Variants in CNTNAP5 observed in about 807,000 individuals in gnomAD.
The protein encoded by CNTNAP5 is contactin associated protein family member 5, also known as contactin-associated protein-like 5.
A neutral mutation model predicts 150.2 loss-of-function variants in CNTNAP5; 72 were observed. The ratio of observed to expected loss-of-function variants is 0.48; its 90% CI spans 0.40 to 0.58. The LOEUF (loss-of-function observed/expected upper bound fraction) is 0.58, where lower values mean the gene tolerates loss of function less well. Ranked by LOEUF, CNTNAP5 falls within the 20% of genes least tolerant of loss-of-function variation. The pLI is 0.00. For synonymous variants in CNTNAP5, 672 were observed against 619.8 expected (o/e 1.08, Z -1.25); for missense variants, 1,636 against 1,626.2 (o/e 1.01, Z -0.10).
chr2:124,301,791 A>G (rs1426776982), intron 3 of CNTNAP5, among the ~76,000 whole-genome samples: 1 of 152,110 alleles, frequency 6.6e-6, no homozygotes, highest in Non-Finnish European at 1.5e-5. Flanking sequence ...TAAAAACTCC[A>G]CTTCAGATTA....
intron 13 of CNTNAP5, among the ~76,000 whole-genome samples, chr2:124,699,375 G>C (rs1472736067): frequency 6.6e-6 from 1 of 152,122 alleles, no homozygotes; most frequent in Non-Finnish European, 1.5e-5. Context: ...AGCAATACTG[G>C]AAAACTCCCC....
chr2:124,822,989 G>A (rs549773896), intron 19 of CNTNAP5, among the ~76,000 whole-genome samples: 2 of 152,258 alleles, frequency 1.3e-5, no homozygotes, highest in African/African-American at 4.8e-5. Context: ...AGGTGCATAA[G>A]GCATGTTTCT....
chr2:124,188,168 CA>C (rs1351031640), intron 1 of CNTNAP5, among the ~76,000 whole-genome samples: 1 of 152,146 alleles, frequency 6.6e-6, no homozygotes, highest in Non-Finnish European at 1.5e-5. Flanking sequence ...CCTTTCTTTC[CA>C]GGGTCATTGT....
At chr2:124,325,274 G>A (rs1053929353) in intron 3 of CNTNAP5, among the ~76,000 whole-genome samples, 4 of 152,096 alleles carry the variant, frequency 2.6e-5, no homozygotes, top group African/African-American at 7.2e-5. Flanking sequence ...TCTTAATCTC[G>A]GAGTTTCCAG....
At chr2:124,225,840 T>G (rs1006882226) in intron 2 of CNTNAP5, among the ~76,000 whole-genome samples, 4 of 152,172 alleles carry the variant, frequency 2.6e-5, no homozygotes, top group Non-Finnish European at 5.9e-5. Context: ...TTCAACATTT[T>G]TCAGATTCCT....
At chr2:124,737,842 T>A (rs563208974) in intron 13 of CNTNAP5, among the ~76,000 whole-genome samples, 2 of 152,278 alleles carry the variant, frequency 1.3e-5, no homozygotes, top group South Asian at 4.1e-4. Flanking sequence ...TCTATGCCTT[T>A]GTTTTCTCAT....
chr2:124,161,489 T>C (rs1358242743), intron 1 of CNTNAP5, among the ~76,000 whole-genome samples: 1 of 152,170 alleles, frequency 6.6e-6, no homozygotes, highest in Non-Finnish European at 1.5e-5. Context: ...TGACAGCTCC[T>C]AGAGGCTATT....
At chr2:124,516,254 A>G (rs1573429220) in intron 8 of CNTNAP5, among the ~76,000 whole-genome samples, 1 of 152,172 alleles carries the variant, frequency 6.6e-6, no homozygotes, top group South Asian at 2.1e-4. Context: ...ACATTTTCAG[A>G]CTTCCTTATT....
intron 3 of CNTNAP5, among the ~76,000 whole-genome samples, chr2:124,414,077 T>G (rs959342191): frequency 2.6e-5 from 4 of 151,536 alleles, no homozygotes; most frequent in African/African-American, 9.7e-5. Flanking sequence ...GGATATAGAA[T>G]GCTAGATTGA....
intron 3 of CNTNAP5, among the ~76,000 whole-genome samples, chr2:124,325,116 G>C (rs1465397796): frequency 6.6e-6 from 1 of 152,154 alleles, no homozygotes; most frequent in African/African-American, 2.4e-5. Context: ...TGGAAGGTGA[G>C]GGTGAAGCCT....
intron 1 of CNTNAP5, among the ~76,000 whole-genome samples, chr2:124,210,825 G>C (rs1394863671): frequency 6.6e-6 from 1 of 152,032 alleles, no homozygotes; most frequent in East Asian, 1.9e-4. Flanking sequence ...ACATGAGCTT[G>C]GGAGGCCCTA....
chr2:124,163,551 T>C (rs1257484349), intron 1 of CNTNAP5, among the ~76,000 whole-genome samples: 2 of 152,056 alleles, frequency 1.3e-5, no homozygotes, highest in Non-Finnish European at 2.9e-5. Context: ...TTACATGAAA[T>C]TGAACAACAA....
chr2:124,045,135 T>C (rs566017286), intron 1 of CNTNAP5, among the ~76,000 whole-genome samples: 26 of 152,258 alleles, frequency 1.7e-4, no homozygotes, highest in African/African-American at 5.8e-4. Flanking sequence ...ATGAATTCAC[T>C]GTTTTCCCAC....
At chr2:124,316,473 G>C (rs1688961581) in intron 3 of CNTNAP5, among the ~76,000 whole-genome samples, 1 of 152,070 alleles carries the variant, frequency 6.6e-6, no homozygotes, top group African/African-American at 2.4e-5. Context: ...AAAATGTAAG[G>C]AGGCTGTCTC....
intron 7 of CNTNAP5, among the ~76,000 whole-genome samples, chr2:124,487,964 T>A (rs1693929134): frequency 6.6e-6 from 1 of 152,128 alleles, no homozygotes; most frequent in Non-Finnish European, 1.5e-5. Context: ...CAGAGATCAT[T>A]AGGTCTAAGA....
chr2:124,665,195 A>T (rs1286078124), intron 13 of CNTNAP5, among the ~76,000 whole-genome samples: 1 of 152,258 alleles, frequency 6.6e-6, no homozygotes, highest in East Asian at 1.9e-4. Context: ...TTCCCTTTTT[A>T]TCTTCTATCT....
intron 19 of CNTNAP5, among the ~76,000 whole-genome samples, chr2:124,801,677 G>T (rs1176648220): frequency 6.6e-6 from 1 of 152,108 alleles, no homozygotes; most frequent in Non-Finnish European, 1.5e-5. Flanking sequence ...TTGAAATGCT[G>T]CTTTGAGGAA....
intron 19 of CNTNAP5, among the ~76,000 whole-genome samples, chr2:124,829,325 A>G (rs768371952): frequency 6.6e-6 from 1 of 152,168 alleles, no homozygotes; most frequent in Non-Finnish European, 1.5e-5. Context: ...CAGAACCAGT[A>G]TGGATTGTTC....
At chr2:124,079,716 C>T (rs573375591) in intron 1 of CNTNAP5, among the ~76,000 whole-genome samples, 8 of 152,112 alleles carry the variant, frequency 5.3e-5, no homozygotes, top group Non-Finnish European at 8.8e-5. Flanking sequence ...TATGAGCATG[C>T]GTGTGTATGT....
Sources: gnomAD v4.1 joint callset for allele counts (sites outside exome capture counted in the v4.1 genomes callset) on GRCh38, gnomAD v4.1.1 for gene constraint, MANE v1.5 for transcripts, NCBI Gene and HGNC (gene_info 2026-07-23, HGNC 2026-07-21) for gene names.